MKLN1: variants seen among roughly 807,000 people sequenced by gnomAD.
The protein encoded by MKLN1 is muskelin.
Under a neutral mutation model 99.0 loss-of-function variants are expected in MKLN1, and 18 were observed. The observed-to-expected ratio is 0.18, with a 90% CI of 0.13 to 0.27. The LOEUF is 0.27. Among genes scored for constraint, MKLN1 ranks in the 10% least tolerant of loss-of-function variants. MKLN1 has a pLI of 1.00. For synonymous variants in MKLN1, 288 were observed against 293.2 expected (o/e 0.98, Z 0.18); for missense variants, 621 against 875.9 (o/e 0.71, Z 3.67).
chr7:131,234,495 A>T (rs1029857235), intron 3 of MKLN1, among the ~76,000 whole-genome samples: 5 of 152,126 alleles, frequency 3.3e-5, no homozygotes, highest in African/African-American at 7.2e-5. Flanking sequence ...GGTCTCAAGT[A>T]CACTCCAGAG....
intron 3 of MKLN1, among the ~76,000 whole-genome samples, chr7:131,239,304 T>C (rs1797367607): frequency 6.6e-6 from 1 of 152,108 alleles, no homozygotes; most frequent in Admixed American, 6.6e-5. Flanking sequence ...TGTTACCTCA[T>C]ATGCTTATCT....
chr7:131,298,525 C>G (rs1425229260), intron 3 of MKLN1, among the ~76,000 whole-genome samples: 1 of 152,162 alleles, frequency 6.6e-6, no homozygotes, highest in Non-Finnish European at 1.5e-5. Context: ...ACAGCTGTAT[C>G]TTGGGAAGAG....
intron 9 of MKLN1, among the ~76,000 whole-genome samples, chr7:131,432,329 A>AT (rs976691514): frequency 6.6e-6 from 1 of 152,120 alleles, no homozygotes; most frequent in East Asian, 1.9e-4. Flanking sequence ...TCATTCCGTT[A>AT]TTTTTTTATA....
chr7:131,160,969 C>G (rs997713653), intron 2 of MKLN1, among the ~76,000 whole-genome samples: 1 of 152,126 alleles, frequency 6.6e-6, no homozygotes, highest in Non-Finnish European at 1.5e-5. Flanking sequence ...ATGGTGTCTC[C>G]TTCTTGGGGT....
intron 1 of MKLN1, among the ~76,000 whole-genome samples, chr7:131,114,843 C>T (rs1187140172): frequency 6.7e-6 from 1 of 149,974 alleles, no homozygotes; most frequent in Non-Finnish European, 1.5e-5. Context: ...AGCTGAGACA[C>T]AAGAATCTCT....
chr7:131,425,129 A>G (rs1160882162), intron 8 of MKLN1, among the ~76,000 whole-genome samples: 1 of 152,212 alleles, frequency 6.6e-6, no homozygotes. Flanking sequence ...AGATTAAGAA[A>G]CCAATAGTTA....
At chr7:131,334,366 C>T (rs750866013) in intron 1 of MKLN1, among the ~76,000 whole-genome samples, 4 of 152,116 alleles carry the variant, frequency 2.6e-5, no homozygotes, top group Non-Finnish European at 5.9e-5. Context: ...TTACTGGCCA[C>T]TGAAAGTTCT....
At chr7:131,486,030 G>A (rs917069778) in intron 17 of MKLN1, among the ~76,000 whole-genome samples, 1 of 151,944 alleles carries the variant, frequency 6.6e-6, no homozygotes, top group Non-Finnish European at 1.5e-5. Context: ...AGGGGGCAAA[G>A]CTGTCTAAAA....
chr7:131,493,583 A>G lies in MKLN1; in HGVS notation c.*5855A>G, dbSNP rs1797479019. 1 of 152,210 alleles carries G rather than the reference A, an allele frequency of 6.6e-6. No homozygotes were observed. Among genetic ancestry groups the G allele is most frequent in the South Asian group, 2.1e-4 (1 of 4,834 alleles). 9.4% of individuals were successfully genotyped at this position (152,210 alleles called of 1,614,324 possible). The stretch of plus-strand genomic sequence containing the variant: ...TTCCCTTCTTCCAAATAACTGTTTG[A>G]GATCTTAAAACAGAAAATCCAGTGT... On this transcript the variant is annotated 3_prime_UTR_variant, in exon 18 of 18. Transcript: ENST00000352689.
chr7:131,180,161 G>C (rs535767573), intron 2 of MKLN1, among the ~76,000 whole-genome samples: 5 of 152,214 alleles, frequency 3.3e-5, no homozygotes, highest in South Asian at 4.1e-4. Context: ...AGATTACTTG[G>C]TGAAATTATT....
intron 2 of MKLN1, among the ~76,000 whole-genome samples, chr7:131,167,815 TACTTAATGATATATTATTC>T (rs1181900418): frequency 2.0e-5 from 3 of 152,248 alleles, no homozygotes; most frequent in African/African-American, 7.2e-5. Context: ...ACTGTTCATT[TACTTAATGATATATTATTC>T]ACTTGTTAAA....
intron 3 of MKLN1, among the ~76,000 whole-genome samples, chr7:131,298,457 A>G (rs540648552): frequency 2.0e-5 from 3 of 152,192 alleles, no homozygotes; most frequent in Non-Finnish European, 4.4e-5. Flanking sequence ...TTTTGTTCTC[A>G]GTGAAGTGGC....
chr7:131,407,954 TGTC>T (rs1232448553), intron 6 of MKLN1, among the ~76,000 whole-genome samples: 2 of 152,110 alleles, frequency 1.3e-5, no homozygotes, highest in South Asian at 4.1e-4. Context: ...ACTGCATCAT[TGTC>T]ATCATCATCA....
chr7:131,318,504 A>G (rs1208403755), intron 3 of MKLN1, among the ~76,000 whole-genome samples: 2 of 152,236 alleles, frequency 1.3e-5, no homozygotes, highest in South Asian at 2.1e-4. Flanking sequence ...AGAAAGCTGG[A>G]AAGATCTGAA....
At chr7:131,221,212 G>T (rs34778110) in intron 3 of MKLN1, among the ~76,000 whole-genome samples, 31,684 of 152,050 alleles carry the variant, frequency 0.21, 3,528 homozygotes, top group Non-Finnish European at 0.25. Flanking sequence ...CATGGAGCCT[G>T]GAAAGGGCCT....
intron 9 of MKLN1, among the ~76,000 whole-genome samples, chr7:131,434,658 A>G (rs1448928662): frequency 6.6e-6 from 1 of 152,090 alleles, no homozygotes. Flanking sequence ...GGCTCAAGCA[A>G]TCCTTCTACC....
chr7:131,260,250 G>T (rs1797713434), intron 3 of MKLN1, among the ~76,000 whole-genome samples: 1 of 151,870 alleles, frequency 6.6e-6, no homozygotes, highest in Non-Finnish European at 1.5e-5. Context: ...TCACTGTGTT[G>T]CCCAGGCTGG....
intron 9 of MKLN1, among the ~76,000 whole-genome samples, chr7:131,433,882 ATTTT>A (rs11346221): frequency 7.8e-6 from 1 of 128,822 alleles, no homozygotes. Flanking sequence ...TGTCGTTTGA[ATTTT>A]TTTTTTTTTT....
intron 2 of MKLN1, among the ~76,000 whole-genome samples, chr7:131,159,607 G>T (rs1219729855): frequency 6.6e-6 from 1 of 152,014 alleles, no homozygotes; most frequent in Non-Finnish European, 1.5e-5. Flanking sequence ...TGGCTAATGG[G>T]TACAAACATA....
Sources: gnomAD v4.1 joint callset for allele counts (sites outside exome capture counted in the v4.1 genomes callset) on GRCh38, gnomAD v4.1.1 for gene constraint, MANE v1.5 for transcripts, NCBI Gene and HGNC (gene_info 2026-07-23, HGNC 2026-07-21) for gene names.